The following DSCAML1 variants were observed in gnomAD, a reference collection of about 807,000 sequenced individuals.
DSCAML1 encodes the protein DS cell adhesion molecule like 1.
A neutral mutation model predicts 200.5 loss-of-function variants in DSCAML1; 38 were observed. The ratio of observed to expected loss-of-function variants is 0.19; its 90% CI spans 0.15 to 0.25. DSCAML1 has a LOEUF of 0.25. Ranked by LOEUF, DSCAML1 falls within the 10% of genes least tolerant of loss-of-function variation. The probability of loss-of-function intolerance (pLI) is 1.00; values close to 1 mark genes in which losing one functional copy is unlikely to be tolerated. For missense variants in DSCAML1, 2,223 were observed against 2,858.8 expected (o/e 0.78, Z 5.07); for synonymous variants, 1,215 against 1,165.0 (o/e 1.04, Z -0.87).
At chr11:117,576,158 A>AC (rs1360859800) in intron 3 of DSCAML1, among the ~76,000 whole-genome samples, 4 of 152,010 alleles carry the variant, frequency 2.6e-5, no homozygotes, top group Admixed American at 6.6e-5. Context: ...CTGTACCCTT[A>AC]CCCGGACCTT....
chr11:117,745,980 G>A (rs544849778), intron 3 of DSCAML1, among the ~76,000 whole-genome samples: 38 of 151,992 alleles, frequency 2.5e-4, no homozygotes, highest in Admixed American at 2.3e-3. Context: ...TTTGGGAGGC[G>A]GAGGCAGGTG....
chr11:117,686,211 A>T (rs2053398845), intron 3 of DSCAML1, among the ~76,000 whole-genome samples: 1 of 152,164 alleles, frequency 6.6e-6, no homozygotes, highest in African/African-American at 2.4e-5. Flanking sequence ...GGCTGGGTGG[A>T]TCACCCTTAG....
intron 3 of DSCAML1, among the ~76,000 whole-genome samples, chr11:117,691,870 C>T (rs996400351): frequency 2.0e-5 from 3 of 152,046 alleles, no homozygotes; most frequent in African/African-American, 7.2e-5. Flanking sequence ...GAATCCCACC[C>T]GAGGGTGGGT....
chr11:117,431,608 C>G lies in DSCAML1; in HGVS notation c.5300G>C (p.Arg1767Pro), dbSNP rs775392101. 6.2e-7 allele frequency: 1 copy of G among 1,612,728 alleles called. No homozygotes were observed. Among genetic ancestry groups the G allele is most frequent in the Non-Finnish European group, 8.5e-7 (1 of 1,179,308 alleles). Residue 1767 changes from arginine to proline, a missense_variant, in exon 31 of 33, where the codon CGC becomes CCC. Physicochemically the swap from Arg to Pro is moderately radical, Grantham distance 103. This residue lies in a region of DSCAML1 where 614 missense variants were observed against 739.1 expected (regional missense o/e 0.83). Coordinates refer to ENST00000651296, the MANE Select transcript of DSCAML1 (RefSeq NM_020693.4). ...TPARTLTSDWRTVGSQHGVTV... is the reference protein window; with the variant it reads ...TPARTLTSDWPTVGSQHGVTV... Reference sequence around the variant, plus strand: ...GACACCATGCTGGGAGCCCACGGTGCGCCAGTCGGAGGTGAGGGTGCGGGC... The same window carrying G: ...GACACCATGCTGGGAGCCCACGGTGGGCCAGTCGGAGGTGAGGGTGCGGGC...
At chr11:117,515,440 T>G (rs2049739916) in intron 8 of DSCAML1, among the ~76,000 whole-genome samples, 1 of 152,068 alleles carries the variant, frequency 6.6e-6, no homozygotes, top group Admixed American at 6.5e-5. Flanking sequence ...TCGAAGACCT[T>G]CGCAGCCCCA....
chr11:117,472,105 C>A, intron 14 of DSCAML1, 69 bp from the exon 15 acceptor site: 1 of 1,559,984 alleles, frequency 6.4e-7, no homozygotes, highest in Non-Finnish European at 8.8e-7. Flanking sequence ...GCCTGAAGTA[C>A]CAGTACAACC....
At chr11:117,683,726 C>A (rs1039442323) in intron 3 of DSCAML1, among the ~76,000 whole-genome samples, 26 of 152,198 alleles carry the variant, frequency 1.7e-4, no homozygotes, top group African/African-American at 6.0e-4. Flanking sequence ...AGTGACTCAA[C>A]CTCTCTAAGC....
intron 21 of DSCAML1, among the ~76,000 whole-genome samples, chr11:117,443,330 A>G (rs1241813570): frequency 6.6e-6 from 1 of 152,192 alleles, no homozygotes; most frequent in African/African-American, 2.4e-5. Context: ...TGGCACACCC[A>G]TGTCCCGGTC....
intron 27 of DSCAML1, among the ~76,000 whole-genome samples, chr11:117,435,001 T>C (rs1318652452): frequency 6.6e-6 from 1 of 152,236 alleles, no homozygotes; most frequent in Non-Finnish European, 1.5e-5. Flanking sequence ...TTGATCTCTA[T>C]AGTCTTGCAG....
chr11:117,816,798 T>TGGGTG (rs1555038450), intron 1 of DSCAML1, among the ~76,000 whole-genome samples: 1 of 100,310 alleles, frequency 1.0e-5, no homozygotes. Flanking sequence ...TCGGAATTGC[T>TGGGTG]GGGGGGGTGG....
chr11:117,587,300 G>A (rs553778816), intron 3 of DSCAML1, among the ~76,000 whole-genome samples: 3 of 150,202 alleles, frequency 2.0e-5, no homozygotes, highest in Non-Finnish European at 3.0e-5. Flanking sequence ...TATTGTAGTG[G>A]AAGACACAGA....
At position 117,530,796 on chromosome 11, in the gene DSCAML1, A is replaced by G. The variant is rs955870462; in HGVS notation, c.658+1580T>C. ...CGGCAGAGGCACACAGAATCAGAGC[A>G]GCCACCTAGACTGGTTCCTTTTCCA... On this transcript the variant is annotated intron_variant, in intron 4 of 32. Transcript: ENST00000651296. 2.6e-5 allele frequency among the ~76,000 whole-genome samples: 4 copies of G among 152,140 alleles called. No individual in the cohort carries two copies. In the East Asian group the frequency reaches 7.7e-4, roughly 29 times the overall value.
At chr11:117,457,537 C>G (rs902456374) in intron 19 of DSCAML1, among the ~76,000 whole-genome samples, 1 of 152,190 alleles carries the variant, frequency 6.6e-6, no homozygotes, top group African/African-American at 2.4e-5. Context: ...GGTGGCTCTG[C>G]CCGGAGCTGT....
rs147307799 is a variant in DSCAML1 at position 117,570,556 on chromosome 11, T to G, written c.512-38034A>C. On this transcript the variant is annotated intron_variant, in intron 3 of 32. Transcript: ENST00000651296. ...TTATTCCAAGCAGCTAGATGAGTAC[T>G]TGGCACCTAGTAGGTGCTGAATACA... 5.7e-3 allele frequency among the ~76,000 whole-genome samples: 872 copies of G among 152,358 alleles called. 8 individuals carry two copies. The highest frequency in any genetic ancestry group is 0.019 in the African/African-American group (787 of 41,592).
At chr11:117,484,025 C>A (rs1002869158) in intron 11 of DSCAML1, among the ~76,000 whole-genome samples, 1 of 135,062 alleles carries the variant, frequency 7.4e-6, no homozygotes, top group Admixed American at 7.4e-5. Flanking sequence ...TCCCTGCCCG[C>A]CCCCCGCCCC....
At chr11:117,632,194 A>G (rs1352367986) in intron 3 of DSCAML1, among the ~76,000 whole-genome samples, 1 of 152,228 alleles carries the variant, frequency 6.6e-6, no homozygotes, top group Non-Finnish European at 1.5e-5. Context: ...AACTTGTTGT[A>G]GCCTTTTCCT....
At position 117,472,005 on chromosome 11, in the gene DSCAML1, G is replaced by A. The variant is rs1181622146; in HGVS notation, c.2817C>T (p.Asn939=). The change falls in exon 15 of 33, where the codon AAC becomes AAT. Residue 939 remains asparagine (N), a synonymous_variant. Transcript: ENST00000651296. ...DSWDFKQSTR[N]ISPTINQANI... is the part of the protein sequence containing the mutation. ...TGGCCTGGTTGATGGTGGGGGAGATGTTGCGTGTGGACTGCTTGAAGTCCC... is the reference window on the plus strand; with the variant it reads ...TGGCCTGGTTGATGGTGGGGGAGATATTGCGTGTGGACTGCTTGAAGTCCC... 1 of 1,614,060 alleles carries A rather than the reference G, an allele frequency of 6.2e-7. No individual in the cohort carries two copies. The highest frequency in any genetic ancestry group is 1.3e-5 in the African/African-American group (1 of 74,934).
chr11:117,780,620 G>A lies in DSCAML1; in HGVS notation c.237C>T (p.Asn79=), dbSNP rs889334508. 9 of 1,590,128 alleles carry A rather than the reference G, an allele frequency of 5.7e-6. No homozygotes were observed. Among genetic ancestry groups the A allele is most frequent in the East Asian group, 2.3e-5 (1 of 43,460 alleles). Residue 79 remains asparagine (N), a synonymous_variant, in exon 2 of 33, where the codon AAC becomes AAT. Coordinates refer to ENST00000651296, the MANE Select transcript of DSCAML1 (RefSeq NM_020693.4). The surrounding 1 kb of genome is among the most constrained non-coding windows in gnomAD (Gnocchi z 4.8). Reference sequence around the variant, plus strand: ...AGAAGGGGTAGAGCTGCAGCGTCCCGTTGGCGTGGACGTGCCGGATGTGCG... The same window carrying A: ...AGAAGGGGTAGAGCTGCAGCGTCCCATTGGCGTGGACGTGCCGGATGTGCG... ...DVPHIRHVHA[N]GTLQLYPFSP...
chr11:117,697,070 A>G (rs1371213668), intron 3 of DSCAML1, among the ~76,000 whole-genome samples: 1 of 152,198 alleles, frequency 6.6e-6, no homozygotes, highest in Non-Finnish European at 1.5e-5. Context: ...CGGCTCTGGT[A>G]GTGTTAGTAT....
Sources: gnomAD v4.1 joint callset for allele counts (sites outside exome capture counted in the v4.1 genomes callset) on GRCh38, gnomAD v4.1.1 for gene constraint, gnomAD v4.1.1 regional missense constraint, Gnocchi (gnomAD v3.1) non-coding constraint, MANE v1.5 for transcripts, NCBI Gene and HGNC (gene_info 2026-07-23, HGNC 2026-07-21) for gene names.